RNF130: variants seen among roughly 807,000 people sequenced by gnomAD.
RNF130 encodes the protein ring finger protein 130, also known as E3 ubiquitin-protein ligase RNF130.
A neutral mutation model predicts 44.6 loss-of-function variants in RNF130; 21 were observed. That is an observed-to-expected ratio of 0.47 (90% CI 0.33 to 0.68). RNF130 has a LOEUF of 0.68. Ranked by LOEUF, RNF130 falls within the 30% of genes least tolerant of loss-of-function variation. The probability of loss-of-function intolerance (pLI) is 0.02; values close to 1 mark genes in which losing one functional copy is unlikely to be tolerated. For missense variants in RNF130, 479 were observed against 560.6 expected (o/e 0.85, Z 1.47); for synonymous variants, 214 against 210.4 (o/e 1.02, Z -0.15).
At chr5:180,026,512 C>A (rs1009851120) in intron 2 of RNF130, among the ~76,000 whole-genome samples, 13 of 152,192 alleles carry the variant, frequency 8.5e-5, no homozygotes, top group Admixed American at 6.5e-5. Context: ...ACAAGTGAAA[C>A]CACACAATGA....
At chr5:179,956,979 T>G (rs974456080) in intron 8 of RNF130, among the ~76,000 whole-genome samples, 1 of 152,266 alleles carries the variant, frequency 6.6e-6, no homozygotes, top group Non-Finnish European at 1.5e-5. Flanking sequence ...TCACATAAAG[T>G]TCTGTACCTT....
chr5:179,979,389 G>T (rs1020023318), intron 4 of RNF130, among the ~76,000 whole-genome samples: 9 of 151,248 alleles, frequency 6.0e-5, no homozygotes, highest in Admixed American at 4.0e-4. Flanking sequence ...CAAGAAATTG[G>T]TAAAACTTAG....
chr5:180,036,806 T>C (rs1047683104), intron 2 of RNF130, among the ~76,000 whole-genome samples: 1 of 150,484 alleles, frequency 6.6e-6, no homozygotes, highest in African/African-American at 2.5e-5. Flanking sequence ...AAGCAAAAAT[T>C]ACAAAGAATA....
rs114558593 is a variant in RNF130, at chr5:179,963,995, G to A, written c.1151-431C>T. The A allele has an allele frequency of 3.0e-3, 513 of 172,522 alleles. 3 individuals are homozygous for A. The highest frequency in any genetic ancestry group is 0.011 in the African/African-American group (481 of 41,876). The allele number at this position is 172,522 out of a possible 1,614,324, so 10.7% of individuals were successfully genotyped here. A position where few individuals can be genotyped will look rare whatever the true frequency, so the allele number is the denominator to read the frequency against. On this transcript the variant is annotated intron_variant, in intron 7 of 8. Transcript: ENST00000521389. ...GCTTTCATTCTTAGTCAAAGGCTGAGGAGCACGGAGCAGCAGTTCTCCAGG... is the reference window on the plus strand; with the variant it reads ...GCTTTCATTCTTAGTCAAAGGCTGAAGAGCACGGAGCAGCAGTTCTCCAGG...
rs1005761341 is a variant in RNF130 at position 179,930,096 on chromosome 5, C to T, written c.1151-9670G>A. Among the ~76,000 whole-genome samples, 72 of 152,082 alleles carry T rather than the reference C, an allele frequency of 4.7e-4. 1 individual carries two copies. Among genetic ancestry groups the T allele is most frequent in the East Asian group, 1.9e-3 (10 of 5,174 alleles). ...TTTTGAGATGGAGTCTTACTCTTGT[C>T]GCCCAGGCTAGAGTGCAATGGCGTG... On this transcript the variant is annotated intron_variant, in intron 7 of 7. Coordinates refer to the RNF130 transcript ENST00000522208.
intron 7 of RNF130, among the ~76,000 whole-genome samples, chr5:179,937,193 T>C (rs1221714496): frequency 6.6e-6 from 1 of 152,120 alleles, no homozygotes; most frequent in Non-Finnish European, 1.5e-5. Context: ...AAACGAAATA[T>C]CATCAAAACG....
chr5:179,944,923 G>A (rs1219359249), intron 7 of RNF130, among the ~76,000 whole-genome samples: 1 of 152,090 alleles, frequency 6.6e-6, no homozygotes, highest in South Asian at 2.1e-4. Flanking sequence ...TTGCTCACAC[G>A]TGGCAAAGCT....
exon 8 of RNF130, chr5:179,914,581 T>C: frequency 6.6e-6 from 1 of 152,110 alleles, no homozygotes. Context: ...CCTGGCCAGC[T>C]CCCCTTGGGA....
intron 1 of RNF130, among the ~76,000 whole-genome samples, chr5:180,054,058 G>C (rs919620386): frequency 1.3e-5 from 2 of 151,948 alleles, no homozygotes; most frequent in African/African-American, 4.8e-5. Context: ...CTCGTGATCT[G>C]CCCGCCTCGG....
At chr5:180,068,232 C>G (rs187433017) in intron 1 of RNF130, among the ~76,000 whole-genome samples, 4 of 152,384 alleles carry the variant, frequency 2.6e-5, no homozygotes, top group East Asian at 3.9e-4. Context: ...TTTACAATGT[C>G]TGCTCCACAG....
chr5:179,913,114 G>A (rs113779029), exon 8 of RNF130: 6,109 of 152,362 alleles, frequency 0.04, 193 homozygotes, highest in Middle Eastern at 0.085. Context: ...CATGCCCTCC[G>A]AGTTCCCACA....
chr5:180,015,776 G>GGAGTAGGGAAAA (rs1238038557), intron 2 of RNF130, among the ~76,000 whole-genome samples: 97 of 151,982 alleles, frequency 6.4e-4, no homozygotes, highest in African/African-American at 2.2e-3. Flanking sequence ...AGTAGGGAAA[G>GGAGTAGGGAAAA]GAAAGCTGAA....
intron 7 of RNF130, among the ~76,000 whole-genome samples, chr5:179,929,281 G>A (rs189214215): frequency 7.3e-4 from 111 of 152,234 alleles, no homozygotes; most frequent in Non-Finnish European, 1.2e-3. Context: ...GTACATGCAC[G>A]GCTGTTTCAG....
intron 2 of RNF130, among the ~76,000 whole-genome samples, chr5:180,015,075 T>C (rs1763686676): frequency 6.6e-6 from 1 of 152,238 alleles, no homozygotes; most frequent in Admixed American, 6.5e-5. Context: ...CTCAAAATTG[T>C]TACAGCCACT....
chr5:180,034,090 A>G (rs986052947), intron 2 of RNF130, among the ~76,000 whole-genome samples: 1 of 136,282 alleles, frequency 7.3e-6, no homozygotes, highest in Admixed American at 7.7e-5. Context: ...AATGTGTTAA[A>G]TGCTTTTTTT....
At chr5:180,018,755 C>G (rs1485251523) in intron 2 of RNF130, among the ~76,000 whole-genome samples, 1 of 152,198 alleles carries the variant, frequency 6.6e-6, no homozygotes, top group Non-Finnish European at 1.5e-5. Context: ...ATCTGCTGAC[C>G]AACACAGTCC....
chr5:179,937,352 C>T (rs1025289436), intron 7 of RNF130, among the ~76,000 whole-genome samples: 1 of 152,144 alleles, frequency 6.6e-6, no homozygotes, highest in Non-Finnish European at 1.5e-5. Context: ...TACAACTCAA[C>T]AGCAAAAGAC....
At chr5:179,979,340 C>T (rs1400160025) in intron 4 of RNF130, among the ~76,000 whole-genome samples, 2 of 149,732 alleles carry the variant, frequency 1.3e-5, no homozygotes, top group African/African-American at 2.5e-5. Context: ...CAACTAGATA[C>T]GGTGGTATCA....
intron 6 of RNF130, among the ~76,000 whole-genome samples, chr5:179,967,377 A>G (rs1762475329): frequency 6.6e-6 from 1 of 152,270 alleles, no homozygotes; most frequent in African/African-American, 2.4e-5. Flanking sequence ...TCCATGTTGA[A>G]GAATCCCAGG....
Sources: allele counts gnomAD v4.1 joint callset (sites outside exome capture counted in the v4.1 genomes callset), GRCh38; gene constraint gnomAD v4.1.1; transcripts MANE v1.5; gene names NCBI Gene and HGNC (gene_info 2026-07-23, HGNC 2026-07-21).